CSMD2: variants seen among roughly 807,000 people sequenced by gnomAD.
CSMD2 encodes the protein CUB and Sushi multiple domains 2.
In CSMD2, 130 loss-of-function variants were observed where a neutral mutation model predicts 398.5. The observed-to-expected ratio is 0.33, with a 90% CI of 0.28 to 0.38. The LOEUF (loss-of-function observed/expected upper bound fraction) is 0.38. Ranked by LOEUF, CSMD2 falls within the 10% of genes least tolerant of loss-of-function variation. The probability of loss-of-function intolerance (pLI) is 1.00; values close to 1 mark genes in which losing one functional copy is unlikely to be tolerated. For missense variants in CSMD2, 3,829 were observed against 4,764.9 expected (o/e 0.80, Z 5.78); for synonymous variants, 1,828 against 1,908.5 (o/e 0.96, Z 1.10).
chr1:33,633,270 G>A lies in CSMD2; in HGVS notation c.5200+152C>T. 1 of 642,324 alleles carries A rather than the reference G, an allele frequency of 1.6e-6. No homozygotes were observed. The highest frequency in any genetic ancestry group is 2.6e-5 in the Admixed American group (1 of 38,634). 39.8% of individuals were successfully genotyped at this position (642,324 alleles called of 1,614,324 possible). ...TAGTTGGAGCTCTCACGAGCTGGCT[G>A]CTGCGTTGTAGACAAGCACCAGAAC... On this transcript the variant is annotated intron_variant, in intron 32 of 70. Coordinates refer to ENST00000373381, the MANE Select transcript of CSMD2 (RefSeq NM_001281956.2). The surrounding 1 kb of genome is among the most constrained non-coding windows in gnomAD (Gnocchi z 5.0).
chr1:33,537,862 G>T lies in CSMD2; in HGVS notation c.9632-253C>A, dbSNP rs1444410813. Among the ~76,000 whole-genome samples the T allele has an allele frequency of 6.6e-6, 1 of 152,208 alleles. No homozygotes were observed. The highest frequency in any genetic ancestry group is 1.5e-5 in the Non-Finnish European group (1 of 68,040). On this transcript the variant is annotated intron_variant, in intron 60 of 70. Transcript: ENST00000373381. This position sits in a 1 kb window ranked among gnomAD's most constrained non-coding sequence, Gnocchi z 4.6. Reference sequence around the variant, plus strand: ...ATGGAGTAACATTACAGGAAGTTTAGAACATGAAAGAGAAATAAACGAAAA... The same window carrying T: ...ATGGAGTAACATTACAGGAAGTTTATAACATGAAAGAGAAATAAACGAAAA...
At position 33,636,754 on chromosome 1, in the gene CSMD2, G is replaced by T. The variant is rs1455263298; in HGVS notation, c.4775-200C>A. 6.6e-6 allele frequency among the ~76,000 whole-genome samples: 1 copy of T among 152,092 alleles called. No homozygotes were observed. The highest frequency in any genetic ancestry group is 2.4e-5 in the African/African-American group (1 of 41,404). Reference sequence around the variant, plus strand: ...GAAATTGAAGGATGGAAATCACATTGAAGAGGGCAATTTCCCCTCCTCCCC... The same window carrying T: ...GAAATTGAAGGATGGAAATCACATTTAAGAGGGCAATTTCCCCTCCTCCCC... On this transcript the variant is annotated intron_variant, in intron 29 of 70. Coordinates refer to ENST00000373381, the MANE Select transcript of CSMD2 (RefSeq NM_001281956.2). This position sits in a 1 kb window ranked among gnomAD's most constrained non-coding sequence, Gnocchi z 4.8.
At chr1:33,723,289 T>C (rs536226829) in intron 19 of CSMD2, among the ~76,000 whole-genome samples, 27 of 152,364 alleles carry the variant, frequency 1.8e-4, no homozygotes, top group African/African-American at 5.0e-4. Flanking sequence ...GGCAAAGTGT[T>C]CTGAAAACAT....
chr1:33,792,373 A>C, intron 11 of CSMD2, 50 bp downstream of exon 11: 1 of 1,372,428 alleles, frequency 7.3e-7, no homozygotes, highest in Non-Finnish European at 1.0e-6. Context: ...CCACCCCACC[A>C]ACCCCAGCCA....
intron 3 of CSMD2, among the ~76,000 whole-genome samples, chr1:33,946,892 C>T (rs1644857780): frequency 6.6e-6 from 1 of 152,050 alleles, no homozygotes; most frequent in African/African-American, 2.4e-5. Flanking sequence ...GCCTTAGCCT[C>T]CCAAAGTGCT....
intron 19 of CSMD2, among the ~76,000 whole-genome samples, chr1:33,720,646 T>G (rs1646329533): frequency 6.6e-6 from 1 of 152,228 alleles, no homozygotes; most frequent in African/African-American, 2.4e-5. Context: ...GGGCTCAGAA[T>G]GAGGCTGAGA....
rs1159904355 is a variant in CSMD2 at position 33,580,805 on chromosome 1, A to G, written c.7335T>C (p.Arg2445=). The change falls in exon 48 of 71, where the codon CGT becomes CGC. Residue 2445 remains arginine, a synonymous_variant. Coordinates refer to ENST00000373381, the MANE Select transcript of CSMD2 (RefSeq NM_001281956.2). ...GATTGTAGGCGTGATCAGATGACCA[A>G]CGCAGGTACACAGAGTTGCTTGAGC... ...VTSSSNSVYL[R]WSSDHAYNRK... The G allele has an allele frequency of 4.3e-6, 7 of 1,613,988 alleles. No individual in the cohort carries two copies. The highest frequency in any genetic ancestry group is 5.9e-6 in the Non-Finnish European group (7 of 1,180,036).
At chr1:34,118,739 A>C (rs10914867) in intron 1 of CSMD2, among the ~76,000 whole-genome samples, 60,522 of 151,952 alleles carry the variant, frequency 0.4, 12,615 homozygotes, top group East Asian at 0.68. Context: ...AAGACTTGTG[A>C]ACTGAAAACT....
intron 5 of CSMD2, among the ~76,000 whole-genome samples, chr1:33,866,725 C>G (rs1640065863): frequency 6.6e-6 from 1 of 152,238 alleles, no homozygotes; most frequent in Admixed American, 6.5e-5. Context: ...GGCCCTTGCT[C>G]CTTACTATAA....
At chr1:33,569,607 T>C in intron 51 of CSMD2, 60 bp from the exon 52 acceptor site, 1 of 1,542,516 alleles carries the variant, frequency 6.5e-7, no homozygotes, top group Non-Finnish European at 8.9e-7. Flanking sequence ...TGGCTGCTTC[T>C]GCTTAGCAAG....
Position 33,633,489 on chromosome 1 carries a change from C to T in CSMD2, c.5133G>A (p.Val1711=). 3.2e-6 allele frequency: 5 copies of T among 1,554,168 alleles called. No homozygotes were observed. The highest frequency in any genetic ancestry group is 4.4e-6 in the Non-Finnish European group (5 of 1,148,262). ...FAFFHTALND[V]VEVHDGHSQH... ...GGCTGTGGCCGTCGTGAACCTCCAC[C>T]ACGTCGTTGAGGGCCGTGTGAAAGA... The change falls in exon 32 of 71, where the codon GTG becomes GTA. Residue 1711 remains valine (V), a synonymous_variant. Coordinates refer to ENST00000373381, the MANE Select transcript of CSMD2 (RefSeq NM_001281956.2). This position sits in a 1 kb window ranked among gnomAD's most constrained non-coding sequence, Gnocchi z 5.0.
chr1:33,613,093 GC>G (rs1224082067), intron 40 of CSMD2, among the ~76,000 whole-genome samples: 1 of 152,100 alleles, frequency 6.6e-6, no homozygotes, highest in Admixed American at 6.5e-5. Context: ...AGCTGCAGCA[GC>G]TCTTTACACG....
At chr1:33,775,157 C>T (rs565333028) in intron 12 of CSMD2, among the ~76,000 whole-genome samples, 27 of 152,114 alleles carry the variant, frequency 1.8e-4, no homozygotes, top group Admixed American at 1.3e-3. Flanking sequence ...TATCTTAGTG[C>T]GATATTTTTT....
rs1360506604 is a variant in CSMD2, at chr1:33,527,196, T to C, written c.10234A>G (p.Ile3412Val). The C allele has an allele frequency of 6.2e-7, 1 of 1,613,726 alleles. No individual in the cohort carries two copies. The highest frequency in any genetic ancestry group is 8.5e-7 in the Non-Finnish European group (1 of 1,179,586). ...AREPPLTQAL[I>V]PGDVFAKNSL... is the part of the protein sequence containing the mutation. ...AGCCAATGATCTGGACCATACGTACTCAAGGCTTGGGTGAGCGGTGGCTCC... is the reference window on the plus strand; with the variant it reads ...AGCCAATGATCTGGACCATACGTACCCAAGGCTTGGGTGAGCGGTGGCTCC... Residue 3412 changes from isoleucine (I) to valine (V), a missense_variant and splice_region_variant, in exon 65 of 71, where the codon ATT (isoleucine) becomes GTT (valine). Coordinates refer to ENST00000373381, the MANE Select transcript of CSMD2 (RefSeq NM_001281956.2).
rs767876663 is a variant in CSMD2, at chr1:33,743,460, C to T, written c.1993G>A (p.Val665Met). ...ACCAGGAAATCAAACTGAGGCTCCACGTCAATGTCGTTGAAGGCCAGGTGG... is the reference window on the plus strand; with the variant it reads ...ACCAGGAAATCAAACTGAGGCTCCATGTCAATGTCGTTGAAGGCCAGGTGG... ...RIHLAFNDIDVEPQFDFLVIK... is the reference protein window; with the variant it reads ...RIHLAFNDIDMEPQFDFLVIK... The change falls in exon 14 of 71, where the codon GTG (valine) becomes ATG (methionine). Residue 665 changes from valine (V) to methionine (M), a missense_variant. This residue lies in a region of CSMD2 where 2,001 missense variants were observed against 2,567.1 expected (regional missense o/e 0.78). Coordinates refer to ENST00000373381, the MANE Select transcript of CSMD2 (RefSeq NM_001281956.2). The T allele has an allele frequency of 1.3e-5, 21 of 1,614,044 alleles. No individual in the cohort carries two copies. The highest frequency in any genetic ancestry group is 5.0e-5 in the Admixed American group (3 of 60,010).
In CSMD2 at chr1:33,605,764, G is replaced by T. The variant is rs1045197029; in HGVS notation, c.6344-294C>A. The T allele has an allele frequency of 6.2e-6, 6 of 974,954 alleles. No individual in the cohort carries two copies. The Admixed American group carries it at 1.1e-4, about 17-fold the overall frequency. The allele number at this position is 974,954 out of a possible 1,614,324, so 60.4% of individuals were successfully genotyped here. ...ATTAGTAATTCCGTAGGAAAAGGAGGCTCAAGGAAGACATTGCTCAATTGA... is the reference window on the plus strand; with the variant it reads ...ATTAGTAATTCCGTAGGAAAAGGAGTCTCAAGGAAGACATTGCTCAATTGA... On this transcript the variant is annotated intron_variant, in intron 41 of 70. Coordinates refer to ENST00000373381, the MANE Select transcript of CSMD2 (RefSeq NM_001281956.2).
At chr1:33,679,656 T>A (rs1006193875) in intron 25 of CSMD2, among the ~76,000 whole-genome samples, 29 of 152,336 alleles carry the variant, frequency 1.9e-4, no homozygotes, top group African/African-American at 6.7e-4. Flanking sequence ...TAGTATTAAA[T>A]AATCATCAAA....
chr1:33,883,090 A>G (rs1454507467), intron 5 of CSMD2, among the ~76,000 whole-genome samples: 2 of 152,140 alleles, frequency 1.3e-5, no homozygotes, highest in African/African-American at 4.8e-5. Context: ...CCATTTTATT[A>G]CAAAGATCTT....
chr1:33,606,085 T>A, intron 41 of CSMD2: 1 of 1,477,050 alleles, frequency 6.8e-7, no homozygotes, highest in Non-Finnish European at 9.0e-7. Context: ...GGAAGCTGTT[T>A]CCATGAGAGT....
Sources: allele counts gnomAD v4.1 joint callset (sites outside exome capture counted in the v4.1 genomes callset), GRCh38; gene constraint gnomAD v4.1.1; regional missense constraint gnomAD v4.1.1; non-coding constraint Gnocchi (gnomAD v3.1); transcripts MANE v1.5; gene names NCBI Gene and HGNC (gene_info 2026-07-23, HGNC 2026-07-21).